Variants in SHISA6 observed in about 807,000 individuals in gnomAD.
The protein encoded by SHISA6 is protein shisa-6.
In SHISA6, 22 loss-of-function variants were observed where a neutral mutation model predicts 47.9. That is an observed-to-expected ratio of 0.46 (90% confidence interval 0.33 to 0.66). The LOEUF is 0.66. Among genes scored for constraint, SHISA6 ranks in the 30% least tolerant of loss-of-function variants. SHISA6 has a pLI of 0.02. For synonymous variants in SHISA6, 388 were observed against 337.8 expected, an observed-to-expected ratio of 1.15 and a Z score of -1.63; for missense variants, 680 against 764.6, an observed-to-expected ratio of 0.89 and a Z score of 1.30.
chr17:11,481,354 G>GTA (rs1362266634), intron 3 of SHISA6, among the ~76,000 whole-genome samples: 1 of 114,112 alleles, frequency 8.8e-6, no homozygotes, highest in African/African-American at 3.7e-5. Flanking sequence ...GTGTGTGTGT[G>GTA]TGTGTGTGTG....
At chr17:11,390,906 G>A (rs542717491) in intron 3 of SHISA6, among the ~76,000 whole-genome samples, 32 of 152,274 alleles carry the variant, frequency 2.1e-4, no homozygotes, top group African/African-American at 7.2e-4. Flanking sequence ...GAGAAGCCAG[G>A]CAGTAAAACT....
chr17:11,324,044 C>A (rs1373857000), intron 2 of SHISA6, among the ~76,000 whole-genome samples: 3 of 152,120 alleles, frequency 2.0e-5, no homozygotes, highest in African/African-American at 7.2e-5. Flanking sequence ...GCACACCCAG[C>A]GGTATATGCA....
intron 3 of SHISA6, among the ~76,000 whole-genome samples, chr17:11,530,987 G>A (rs747127222): frequency 2.0e-5 from 3 of 152,146 alleles, no homozygotes; most frequent in Non-Finnish European, 4.4e-5. Context: ...TGCAGTATTC[G>A]TAGGGATAGG....
At chr17:11,248,659 G>T (rs890339761) in intron 1 of SHISA6, among the ~76,000 whole-genome samples, 1 of 151,914 alleles carries the variant, frequency 6.6e-6, no homozygotes, top group Non-Finnish European at 1.5e-5. Flanking sequence ...GATTTCTGTC[G>T]ATCTTCCCCG....
intron 1 of SHISA6, among the ~76,000 whole-genome samples, chr17:11,262,184 C>G (rs1021204931): frequency 1.3e-5 from 2 of 152,194 alleles, no homozygotes; most frequent in East Asian, 3.8e-4. Context: ...AGAAACTATT[C>G]TTTCCCCCAC....
intron 3 of SHISA6, among the ~76,000 whole-genome samples, chr17:11,429,620 TAA>T (rs34738346): frequency 4.4e-4 from 53 of 121,524 alleles, no homozygotes; most frequent in African/African-American, 4.3e-4. Flanking sequence ...CATCTCTACT[TAA>T]AAAAAAAAAA....
intron 3 of SHISA6, among the ~76,000 whole-genome samples, chr17:11,520,415 C>T (rs1020874434): frequency 1.3e-5 from 2 of 152,170 alleles, no homozygotes; most frequent in African/African-American, 4.8e-5. Context: ...CACTTTTCTG[C>T]ACATCCACTC....
At chr17:11,314,676 C>T (rs1195573387) in intron 2 of SHISA6, among the ~76,000 whole-genome samples, 1 of 151,934 alleles carries the variant, frequency 6.6e-6, no homozygotes, top group African/African-American at 2.4e-5. Flanking sequence ...GCTAGGATTA[C>T]AGCTGACCAC....
rs1347956767 is a variant in SHISA6, at chr17:11,263,542, G to A, written c.799+16G>A. 1 of 1,551,444 alleles carries A rather than the reference G, an allele frequency of 6.4e-7. No homozygotes were observed. The highest frequency in any genetic ancestry group is 2.4e-5 in the East Asian group (1 of 40,914). ...CAGACTCCAGGTAAGTAACAGCTGG[G>A]CACCTTGATTCTTTGCTGAGGCTGG... On this transcript the variant is annotated intron_variant, in intron 2 of 5. Transcript: ENST00000441885.
chr17:11,288,853 G>C (rs1275095642), intron 2 of SHISA6: 1 of 151,990 alleles, frequency 6.6e-6, no homozygotes, highest in East Asian at 1.9e-4. Flanking sequence ...TAACTGCACT[G>C]GCTGACCCGA....
chr17:11,257,428 A>T (rs1460142510), intron 1 of SHISA6, among the ~76,000 whole-genome samples: 1 of 152,130 alleles, frequency 6.6e-6, no homozygotes, highest in Non-Finnish European at 1.5e-5. Flanking sequence ...TGGGAGGCTG[A>T]GGGAGGCAGA....
intron 1 of SHISA6, among the ~76,000 whole-genome samples, chr17:11,257,685 A>G (rs1216488238): frequency 1.3e-5 from 2 of 151,964 alleles, no homozygotes; most frequent in Non-Finnish European, 2.9e-5. Context: ...AAAAAAGAAA[A>G]GAAAAGAAAG....
intron 3 of SHISA6, among the ~76,000 whole-genome samples, chr17:11,435,360 A>G (rs751724727): frequency 2.6e-5 from 4 of 152,110 alleles, no homozygotes; most frequent in Non-Finnish European, 4.4e-5. Flanking sequence ...CAAAAGTCTC[A>G]CCTCAAAATA....
Position 11,533,594 on chromosome 17 carries a change from T to A in SHISA6, c.896-18302T>A, listed in dbSNP as rs952844476. Among the ~76,000 whole-genome samples the A allele has an allele frequency of 7.3e-3, 1,022 of 140,812 alleles. 9 individuals carry two copies. The highest frequency in any genetic ancestry group is 0.025 in the African/African-American group (944 of 38,032). The allele number at this position is 140,812 out of a possible 152,430, so 92.4% of individuals were successfully genotyped here. On this transcript the variant is annotated intron_variant, in intron 3 of 5. Coordinates refer to ENST00000441885, the MANE Select transcript of SHISA6 (RefSeq NM_207386.4). ...TGAAGCTTCCCTTTCATTATTTTTT[T>A]TTTTTTTTTTTTTTTTGAGATGGAG...
At chr17:11,466,586 C>T (rs1172851885) in intron 3 of SHISA6, among the ~76,000 whole-genome samples, 1 of 152,196 alleles carries the variant, frequency 6.6e-6, no homozygotes, top group Non-Finnish European at 1.5e-5. Flanking sequence ...CAGTTTACGT[C>T]TCCATGTGCC....
In SHISA6 at chr17:11,395,946, C is replaced by T. The variant is rs376293663; in HGVS notation, c.895+16437C>T. On this transcript the variant is annotated intron_variant, in intron 3 of 5. Coordinates refer to ENST00000441885, the MANE Select transcript of SHISA6 (RefSeq NM_207386.4). ...TTGTTTCTGATGTTAGTGGAAATCC[C>T]TCCAGAGCGTTTCCATTAAGATCCT... Among the ~76,000 whole-genome samples, 4 of 152,264 alleles carry T rather than the reference C, an allele frequency of 2.6e-5. No homozygotes were observed. The South Asian group carries it at 6.2e-4, about 24-fold the overall frequency.
intron 3 of SHISA6, among the ~76,000 whole-genome samples, chr17:11,446,709 G>A (rs1915248375): frequency 6.6e-6 from 1 of 152,146 alleles, no homozygotes; most frequent in African/African-American, 2.4e-5. Flanking sequence ...AGATATCTCT[G>A]ACCAGCCACC....
chr17:11,277,280 T>TCTCTCTCTCTCTCTCTCTCTCTCTCACA (rs1386997909), intron 2 of SHISA6, among the ~76,000 whole-genome samples: 1 of 53,862 alleles, frequency 1.9e-5, no homozygotes, highest in African/African-American at 7.2e-5. Context: ...TCTCTCTCTC[T>TCTCTCTCTCTCTCTCTCTCTCTCTCACA]CACACACACA....
At chr17:11,452,474 G>C (rs1765746624) in intron 3 of SHISA6, among the ~76,000 whole-genome samples, 3 of 152,140 alleles carry the variant, frequency 2.0e-5, no homozygotes, top group Admixed American at 2.0e-4. Context: ...AAAGGAATTA[G>C]AGTGACTCAG....
Sources: allele counts gnomAD v4.1 joint callset (sites outside exome capture counted in the v4.1 genomes callset), GRCh38; gene constraint gnomAD v4.1.1; transcripts MANE v1.5; gene names NCBI Gene and HGNC (gene_info 2026-07-23, HGNC 2026-07-21).